The following WWOX variants were observed in gnomAD, a reference collection of about 807,000 sequenced individuals.
WWOX encodes the protein WW domain containing oxidoreductase, also known as WW domain-containing oxidoreductase.
In WWOX, 69 loss-of-function variants were observed where a neutral mutation model predicts 46.2. The observed-to-expected ratio is 1.49, with a 90% CI of 1.23 to 1.82. WWOX has a LOEUF of 1.82. Among genes scored for constraint, WWOX ranks in the 40% most tolerant of loss-of-function variants. The pLI, the probability that WWOX is intolerant of heterozygous loss-of-function variation, is 0.00. For synonymous variants in WWOX, 359 were observed against 202.6 expected (o/e 1.77, Z -6.56); for missense variants, 919 against 542.6 (o/e 1.69, Z -6.89).
Position 78,411,043 on chromosome 16 carries a change from G to A in WWOX, c.606-13827G>A, listed in dbSNP as rs118160812. On this transcript the variant is annotated intron_variant, in intron 6 of 8. Coordinates refer to ENST00000566780, the MANE Select transcript of WWOX (RefSeq NM_016373.4). Reference sequence around the variant, plus strand: ...AGCTTCCATTGGATTGAGTAAGCAAGAGAGCAAGAACAGGAGTGATACAGA... The same window carrying A: ...AGCTTCCATTGGATTGAGTAAGCAAAAGAGCAAGAACAGGAGTGATACAGA... Among the ~76,000 whole-genome samples the A allele has an allele frequency of 7.9e-4, 121 of 152,268 alleles. No individual in the cohort carries two copies. The East Asian group carries it at 0.017, about 21-fold the overall frequency.
At chr16:78,618,341 C>G (rs1484982131) in intron 8 of WWOX, among the ~76,000 whole-genome samples, 3 of 152,214 alleles carry the variant, frequency 2.0e-5, no homozygotes, top group East Asian at 3.9e-4. Flanking sequence ...TAGTTCCTCA[C>G]AGTTCTGGAG....
chr16:78,483,912 C>T (rs2084562480), intron 8 of WWOX, among the ~76,000 whole-genome samples: 1 of 152,092 alleles, frequency 6.6e-6, no homozygotes, highest in Non-Finnish European at 1.5e-5. Context: ...GCTTAGGGGG[C>T]AGGTTTTGTG....
chr16:78,158,944 T>C (rs1362634370), intron 4 of WWOX, among the ~76,000 whole-genome samples: 1 of 152,144 alleles, frequency 6.6e-6, no homozygotes, highest in African/African-American at 2.4e-5. Flanking sequence ...CTCTCTCCCC[T>C]CAGCCCTTTG....
intron 8 of WWOX, among the ~76,000 whole-genome samples, chr16:79,012,081 G>C (rs1339992641): frequency 1.3e-5 from 2 of 152,172 alleles, no homozygotes; most frequent in Non-Finnish European, 2.9e-5. Flanking sequence ...TGGAAGCGTG[G>C]ACACTGGGTA....
chr16:78,735,647 C>G lies in WWOX; in HGVS notation c.1056+302895C>G, dbSNP rs1597515128. Among the ~76,000 whole-genome samples the G allele has an allele frequency of 7.2e-5, 11 of 152,332 alleles. No individual in the cohort carries two copies. The South Asian group carries it at 2.1e-3, about 29-fold the overall frequency. On this transcript the variant is annotated intron_variant, in intron 8 of 8. Coordinates refer to ENST00000566780, the MANE Select transcript of WWOX (RefSeq NM_016373.4). ...AGGAGACAGCAGACAGTTCCTCTCC[C>G]TGCTGCTGGCCTCTTCATCTTCTCC...
At chr16:79,046,534 T>C (rs899113098) in intron 8 of WWOX, among the ~76,000 whole-genome samples, 5 of 152,128 alleles carry the variant, frequency 3.3e-5, no homozygotes, top group African/African-American at 1.2e-4. Context: ...TGTCTGCCCT[T>C]CTTGTGCATC....
chr16:79,197,274 C>T (rs570259078), intron 8 of WWOX, among the ~76,000 whole-genome samples: 1 of 152,302 alleles, frequency 6.6e-6, no homozygotes, highest in East Asian at 1.9e-4. Context: ...AGCTCTTGAT[C>T]TTCCTCAAAA....
intron 8 of WWOX, among the ~76,000 whole-genome samples, chr16:78,928,458 T>G (rs1333647819): frequency 6.6e-6 from 1 of 152,152 alleles, no homozygotes; most frequent in East Asian, 1.9e-4. Context: ...CGCCTCGGCC[T>G]CCCAAAGTGC....
intron 8 of WWOX, among the ~76,000 whole-genome samples, chr16:78,958,100 C>T (rs1200265736): frequency 1.3e-5 from 2 of 152,148 alleles, no homozygotes; most frequent in African/African-American, 2.4e-5. Flanking sequence ...CCTTCATATT[C>T]TCCGATATAT....
chr16:78,651,872 A>C (rs1300509167), intron 8 of WWOX, among the ~76,000 whole-genome samples: 2 of 152,224 alleles, frequency 1.3e-5, no homozygotes, highest in African/African-American at 4.8e-5. Flanking sequence ...TCATGTGTAG[A>C]ATGGGGAGTA....
chr16:78,999,872 A>G (rs1281048935), intron 8 of WWOX, among the ~76,000 whole-genome samples: 1 of 152,216 alleles, frequency 6.6e-6, no homozygotes, highest in African/African-American at 2.4e-5. Context: ...AACTTTATAA[A>G]AAATTAAAAA....
chr16:78,734,037 G>T (rs953196410), intron 8 of WWOX, among the ~76,000 whole-genome samples: 1 of 151,786 alleles, frequency 6.6e-6, no homozygotes, highest in Non-Finnish European at 1.5e-5. Context: ...TGTAGCCTGG[G>T]TGATAAAGTA....
chr16:78,378,556 CAGTTG>C (rs1347793541), intron 5 of WWOX, among the ~76,000 whole-genome samples: 1 of 152,154 alleles, frequency 6.6e-6, no homozygotes, highest in Non-Finnish European at 1.5e-5. Context: ...ATTATTAAAC[CAGTTG>C]AGTTAGATTT....
intron 8 of WWOX, among the ~76,000 whole-genome samples, chr16:79,171,924 T>G (rs1172105421): frequency 6.6e-6 from 1 of 152,214 alleles, no homozygotes; most frequent in African/African-American, 2.4e-5. Context: ...CCTTTTAAGA[T>G]GGCTTCCTGC....
intron 6 of WWOX, among the ~76,000 whole-genome samples, chr16:78,413,192 C>T (rs905105957): frequency 6.6e-6 from 1 of 152,190 alleles, no homozygotes; most frequent in African/African-American, 2.4e-5. Context: ...AAATCAATCT[C>T]CCCGAGAATT....
chr16:78,731,387 C>T (rs993046272), intron 8 of WWOX, among the ~76,000 whole-genome samples: 1 of 152,124 alleles, frequency 6.6e-6, no homozygotes, highest in Non-Finnish European at 1.5e-5. Context: ...CAAAGATGCA[C>T]ACTAATACTA....
At chr16:78,672,866 T>G (rs1465644370) in intron 8 of WWOX, among the ~76,000 whole-genome samples, 2 of 152,160 alleles carry the variant, frequency 1.3e-5, no homozygotes, top group Non-Finnish European at 2.9e-5. Context: ...ATCGCCTTGG[T>G]GATGGATAGA....
chr16:78,632,678 C>A (rs1271672780), intron 8 of WWOX, among the ~76,000 whole-genome samples: 1 of 150,692 alleles, frequency 6.6e-6, no homozygotes, highest in Admixed American at 6.6e-5. Flanking sequence ...CCTGCCTCAG[C>A]CTCTCGAATA....
At chr16:78,663,551 A>C (rs1438065705) in intron 8 of WWOX, among the ~76,000 whole-genome samples, 1 of 152,166 alleles carries the variant, frequency 6.6e-6, no homozygotes, top group African/African-American at 2.4e-5. Context: ...TTCTATTATG[A>C]GTAATGCTGC....
Sources: gnomAD v4.1 joint callset for allele counts (sites outside exome capture counted in the v4.1 genomes callset) on GRCh38, gnomAD v4.1.1 for gene constraint, MANE v1.5 for transcripts, NCBI Gene and HGNC (gene_info 2026-07-23, HGNC 2026-07-21) for gene names.